The following TRIM67 variants were observed in gnomAD, a reference collection of about 807,000 sequenced individuals.
The protein encoded by TRIM67 is tripartite motif containing 67.
TRIM67 carries 39 observed loss-of-function variants against 71.0 expected under a neutral mutation model. That is an observed-to-expected ratio of 0.55 (90% CI 0.43 to 0.72). TRIM67 has a LOEUF of 0.72. Ranked by LOEUF, TRIM67 falls within the 30% of genes least tolerant of loss-of-function variation. The pLI is 0.00. For missense variants in TRIM67, 973 were observed against 1,079.2 expected (o/e 0.90, Z 1.38); for synonymous variants, 481 against 473.9 (o/e 1.01, Z -0.19).
At chr1:231,186,947 G>A (rs1396629575) in intron 1 of TRIM67, among the ~76,000 whole-genome samples, 1 of 152,138 alleles carries the variant, frequency 6.6e-6, no homozygotes, top group Non-Finnish European at 1.5e-5. Flanking sequence ...AGAGGAAGGG[G>A]ACTGCTTTAC....
chr1:231,179,607 T>G (rs1682846414), intron 1 of TRIM67, among the ~76,000 whole-genome samples: 1 of 152,212 alleles, frequency 6.6e-6, no homozygotes. Flanking sequence ...CAGTAGGATA[T>G]GAATAACTCC....
At chr1:231,202,411 T>A (rs909222131) in intron 5 of TRIM67, among the ~76,000 whole-genome samples, 1 of 152,080 alleles carries the variant, frequency 6.6e-6, no homozygotes, top group African/African-American at 2.4e-5. Flanking sequence ...AGAATCAGTT[T>A]TCTCTGTCCC....
intron 5 of TRIM67, among the ~76,000 whole-genome samples, chr1:231,203,452 G>A (rs540140906): frequency 6.6e-6 from 1 of 152,216 alleles, no homozygotes; most frequent in Admixed American, 6.5e-5. Flanking sequence ...CCTGCGGAGA[G>A]GATCCCTAGG....
chr1:231,163,241 G>A lies in TRIM67; in HGVS notation c.272G>A (p.Gly91Asp). 2.0e-6 allele frequency: 3 copies of A among 1,505,778 alleles called. No homozygotes were observed. Among genetic ancestry groups the A allele is most frequent in the Non-Finnish European group, 8.9e-7 (1 of 1,127,220 alleles). 93.3% of individuals were successfully genotyped at this position (1,505,778 alleles called of 1,614,324 possible). A position where few individuals can be genotyped will look rare whatever the true frequency, so the allele number is the denominator to read the frequency against. ...GGSAAGGLGGGAGGGGDHADK... is the reference protein window; with the variant it reads ...GGSAAGGLGGDAGGGGDHADK... ...AGTGCAGCTGGCGGCCTCGGCGGCG[G>A]TGCGGGAGGTGGCGGAGACCACGCG... The change falls in exon 1 of 10, where the codon GGT becomes GAT. Residue 91 changes from glycine (G) to aspartate (D), a missense_variant. Transcript: ENST00000366653.
chr1:231,179,981 A>G (rs1459385725), intron 1 of TRIM67, among the ~76,000 whole-genome samples: 2 of 152,144 alleles, frequency 1.3e-5, no homozygotes, highest in Non-Finnish European at 2.9e-5. Flanking sequence ...CATCCTCTCA[A>G]CTTTCTCCTG....
chr1:231,164,059 C>T lies in TRIM67; in HGVS notation c.1044+46C>T, dbSNP rs555351060. On this transcript the variant is annotated intron_variant, in intron 1 of 9. Coordinates refer to ENST00000366653, the MANE Select transcript of TRIM67 (RefSeq NM_001004342.5). ...AGTGCAGGTGCCAGGGAAGAGGGTA[C>T]GAGGAGAAAGGCTTTTGGCCTCTCC... is the stretch of plus-strand genomic sequence containing the variant. 89 of 1,431,956 alleles carry T rather than the reference C, an allele frequency of 6.2e-5. No homozygotes were observed. In the Middle Eastern group the frequency reaches 9.2e-4, roughly 15 times the overall value. 88.7% of individuals were successfully genotyped at this position (1,431,956 alleles called of 1,614,324 possible).
At chr1:231,182,838 A>C (rs760042146) in intron 1 of TRIM67, among the ~76,000 whole-genome samples, 1 of 152,222 alleles carries the variant, frequency 6.6e-6, no homozygotes, top group Non-Finnish European at 1.5e-5. Context: ...GCCTTGTCAG[A>C]GGAAGAAGCC....
chr1:231,191,088 A>G (rs1683217946), intron 1 of TRIM67, among the ~76,000 whole-genome samples: 1 of 152,034 alleles, frequency 6.6e-6, no homozygotes, highest in African/African-American at 2.4e-5. Context: ...TTAAGAGACA[A>G]GTTTTCACTC....
chr1:231,162,759 C>G lies in TRIM67; in HGVS notation c.-211C>G, dbSNP rs982337144. On this transcript the variant is annotated 5_prime_UTR_variant, in exon 1 of 10. Transcript: ENST00000366653. ...GGGACCCTCGGGCAGGAGGTGAGGA[C>G]CCCCTCCCTTCTCTCGCCCCTCAAT... The G allele has an allele frequency of 1.6e-6, 1 of 611,548 alleles. No individual in the cohort carries two copies. The highest frequency in any genetic ancestry group is 2.0e-5 in the African/African-American group (1 of 50,832). 37.9% of individuals were successfully genotyped at this position (611,548 alleles called of 1,614,324 possible). A position where few individuals can be genotyped will look rare whatever the true frequency, so the allele number is the denominator to read the frequency against.
At chr1:231,185,236 C>T in intron 1 of TRIM67, 1 of 1,532,764 alleles carries the variant, frequency 6.5e-7, no homozygotes, top group Non-Finnish European at 8.7e-7. Context: ...CTGAAAACTC[C>T]CTGTGAGAAA....
intron 1 of TRIM67, among the ~76,000 whole-genome samples, chr1:231,182,740 G>A (rs1332513688): frequency 6.6e-6 from 1 of 152,182 alleles, no homozygotes; most frequent in Non-Finnish European, 1.5e-5. Context: ...ACAAGCCCAA[G>A]TCCAAGGGGA....
At chr1:231,199,207 A>C in intron 3 of TRIM67, 38 bp downstream of exon 3, 2 of 1,603,192 alleles carry the variant, frequency 1.2e-6, no homozygotes, top group Non-Finnish European at 1.7e-6. Flanking sequence ...AATCCCTGCC[A>C]CATCCTCTGC....
rs1270339526 is a variant in TRIM67 at position 231,163,593 on chromosome 1, C to T, written c.624C>T (p.Cys208=). ...GTSAAAAVAI[C]QLCDRTPPEP... is the part of the protein sequence containing the mutation. ...CTGCAGCCGCGGCGGTGGCCATCTG[C>T]CAGCTGTGCGACCGCACCCCGCCAG... Residue 208 remains cysteine, a synonymous_variant, in exon 1 of 10, where the codon TGC becomes TGT. Transcript: ENST00000366653. 4 of 1,516,782 alleles carry T rather than the reference C, an allele frequency of 2.6e-6. No individual in the cohort carries two copies. The East Asian group carries it at 1.1e-4, about 40-fold the overall frequency. 94.0% of individuals were successfully genotyped at this position (1,516,782 alleles called of 1,614,324 possible).
intron 1 of TRIM67, among the ~76,000 whole-genome samples, chr1:231,164,784 T>A (rs1682405433): frequency 6.6e-6 from 1 of 152,096 alleles, no homozygotes; most frequent in South Asian, 2.1e-4. Flanking sequence ...GCTATCCAAC[T>A]GGAAATAAGC....
Position 231,163,664 on chromosome 1 carries a change from C to G in TRIM67, c.695C>G (p.Ser232Cys). The G allele has an allele frequency of 6.6e-7, 1 of 1,519,302 alleles. No individual in the cohort carries two copies. The highest frequency in any genetic ancestry group is 8.8e-7 in the Non-Finnish European group (1 of 1,135,308). 94.1% of individuals were successfully genotyped at this position (1,519,302 alleles called of 1,614,324 possible). Residue 232 changes from serine to cysteine, a missense_variant, in exon 1 of 10, where the codon TCT becomes TGT. By Grantham distance (112) the Ser-to-Cys change is moderately radical. Transcript: ENST00000366653. ...LCEQCDVLYCSACQLKCHPSR... is the reference protein window; with the variant it reads ...LCEQCDVLYCCACQLKCHPSR... ...GAGCAGTGCGACGTCCTCTACTGCT[C>G]TGCCTGCCAGCTCAAGTGCCATCCA...
In TRIM67 at chr1:231,162,938, A is replaced by G; in HGVS notation, c.-32A>G. The G allele has an allele frequency of 6.2e-7, 1 of 1,601,784 alleles. No individual in the cohort carries two copies. The highest frequency in any genetic ancestry group is 1.1e-5 in the South Asian group (1 of 89,612). ...TCCCGAGCTCCGGCCATTCATCCCC[A>G]GCGCAGAGCAGCGCTGGCAGCCGGC... On this transcript the variant is annotated 5_prime_UTR_variant, in exon 1 of 10. Transcript: ENST00000366653.
chr1:231,218,825 A>C lies in TRIM67; in HGVS notation c.*3385A>C. The C allele has an allele frequency of 2.0e-6, 2 of 985,354 alleles. No individual in the cohort carries two copies. The highest frequency in any genetic ancestry group is 2.4e-6 in the Non-Finnish European group (2 of 829,902). 61.0% of individuals were successfully genotyped at this position (985,354 alleles called of 1,614,324 possible). On this transcript the variant is annotated 3_prime_UTR_variant, in exon 10 of 10. Transcript: ENST00000366653. ...CTGGGCAGGCTCTGTGGAGCTCACC[A>C]AGAGAGCTGGGGGCAGGCCCACCCT...
At chr1:231,188,177 C>T (rs542786902) in intron 1 of TRIM67, among the ~76,000 whole-genome samples, 10 of 152,296 alleles carry the variant, frequency 6.6e-5, no homozygotes, top group South Asian at 6.2e-4. Context: ...GCTTCTGCCT[C>T]CCCCAGACAC....
At chr1:231,180,158 T>C (rs1022642) in intron 1 of TRIM67, among the ~76,000 whole-genome samples, 8,422 of 152,224 alleles carry the variant, frequency 0.055, 795 homozygotes, top group African/African-American at 0.19. Context: ...TCTTAGAGTT[T>C]ATCCTATGTG....
Sources: allele counts gnomAD v4.1 joint callset (sites outside exome capture counted in the v4.1 genomes callset), GRCh38; gene constraint gnomAD v4.1.1; transcripts MANE v1.5; gene names NCBI Gene and HGNC (gene_info 2026-07-23, HGNC 2026-07-21).